ATRNL1: variants seen among roughly 807,000 people sequenced by gnomAD.
ATRNL1 encodes the protein attractin like 1.
In ATRNL1, 95 loss-of-function variants were observed where a neutral mutation model predicts 182.7. The observed-to-expected ratio is 0.52, with a 90% CI of 0.44 to 0.62. The LOEUF (loss-of-function observed/expected upper bound fraction) is 0.62, where lower values mean the gene tolerates loss of function less well. Among genes scored for constraint, ATRNL1 ranks in the 20% least tolerant of loss-of-function variants. ATRNL1 has a pLI of 0.00. For synonymous variants in ATRNL1, 576 were observed against 568.3 expected (o/e 1.01, Z -0.19); for missense variants, 1,471 against 1,679.5 (o/e 0.88, Z 2.17).
chr10:115,652,096 C>T (rs1293777734), intron 26 of ATRNL1, among the ~76,000 whole-genome samples: 1 of 151,928 alleles, frequency 6.6e-6, no homozygotes, highest in Non-Finnish European at 1.5e-5. Flanking sequence ...AAAGTAGACT[C>T]CTAAATAATT....
rs578035533 is a variant in ATRNL1, at chr10:115,553,014, G to A, written c.3795+3478G>A. On this transcript the variant is annotated intron_variant, in intron 26 of 28. Transcript: ENST00000355044. ...TTACTGAAATATTTGTCAGGAGCAA[G>A]TATATGTAAAAAGGAGTCTATTGAG... 1.1e-4 allele frequency among the ~76,000 whole-genome samples: 17 copies of A among 151,374 alleles called. No individual in the cohort carries two copies. The South Asian group carries it at 2.9e-3, about 26-fold the overall frequency.
At chr10:115,905,031 A>C (rs1258100938) in intron 28 of ATRNL1, among the ~76,000 whole-genome samples, 1 of 152,140 alleles carries the variant, frequency 6.6e-6, no homozygotes, top group Non-Finnish European at 1.5e-5. Flanking sequence ...TTACAGCTGA[A>C]GTCTGAAAGA....
intron 19 of ATRNL1, among the ~76,000 whole-genome samples, chr10:115,391,711 G>GT (rs1303313490): frequency 6.6e-6 from 1 of 151,762 alleles, no homozygotes; most frequent in Non-Finnish European, 1.5e-5. Flanking sequence ...TGCATGGATA[G>GT]TTTTTCAAAT....
rs143148323 is a variant in ATRNL1 at position 115,782,412 on chromosome 10, T to G, written c.3903+55057T>G. Among the ~76,000 whole-genome samples the G allele has an allele frequency of 1.3e-4, 20 of 152,338 alleles. No individual in the cohort carries two copies. The East Asian group carries it at 3.7e-3, about 28-fold the overall frequency. On this transcript the variant is annotated intron_variant, in intron 27 of 28. Coordinates refer to ENST00000355044, the MANE Select transcript of ATRNL1 (RefSeq NM_207303.4). ...CCCTAATGTTGATTGTTGTTTCTGTTAAATAATTATGATGAAAAGAAAAAG... is the reference window on the plus strand; with the variant it reads ...CCCTAATGTTGATTGTTGTTTCTGTGAAATAATTATGATGAAAAGAAAAAG...
At chr10:115,736,628 G>T (rs193293608) in intron 27 of ATRNL1, among the ~76,000 whole-genome samples, 41 of 152,138 alleles carry the variant, frequency 2.7e-4, no homozygotes, top group Non-Finnish European at 5.0e-4. Flanking sequence ...TTAGTTTGTG[G>T]TTTGCTAGTG....
At chr10:115,837,429 A>G (rs1009124898) in intron 27 of ATRNL1, among the ~76,000 whole-genome samples, 2 of 149,700 alleles carry the variant, frequency 1.3e-5, no homozygotes, top group African/African-American at 2.4e-5. Context: ...TTAGGAAATA[A>G]TGAGGAGACA....
At chr10:115,276,226 C>A (rs1236610927) in intron 13 of ATRNL1, among the ~76,000 whole-genome samples, 9 of 152,032 alleles carry the variant, frequency 5.9e-5, no homozygotes, top group African/African-American at 2.2e-4. Flanking sequence ...AGGACTCCAC[C>A]ATTATGATTA....
intron 8 of ATRNL1, among the ~76,000 whole-genome samples, chr10:115,198,940 G>T (rs1353556933): frequency 6.6e-6 from 1 of 152,074 alleles, no homozygotes; most frequent in African/African-American, 2.4e-5. Flanking sequence ...CTAATGGGAG[G>T]CCTCTGGATT....
At chr10:115,217,152 G>A (rs1554896456) in intron 9 of ATRNL1, among the ~76,000 whole-genome samples, 1 of 151,998 alleles carries the variant, frequency 6.6e-6, no homozygotes, top group African/African-American at 2.4e-5. Context: ...GCAGTGGCAC[G>A]ATCTCAGCTC....
At chr10:115,156,199 T>TGGAAAGACTGTAATCCCTG (rs1554882027) in intron 5 of ATRNL1, among the ~76,000 whole-genome samples, 1 of 152,100 alleles carries the variant, frequency 6.6e-6, no homozygotes, top group Non-Finnish European at 1.5e-5. Context: ...CTTTAACATG[T>TGGAAAGACTGTAATCCCTG]GGAAAGACTG....
chr10:115,642,470 T>A (rs1228480231), intron 26 of ATRNL1, among the ~76,000 whole-genome samples: 1 of 150,478 alleles, frequency 6.6e-6, no homozygotes, highest in Non-Finnish European at 1.5e-5. Context: ...TGAGATGGAG[T>A]TTTGCTCTTG....
Position 115,274,193 on chromosome 10 carries a change from C to T in ATRNL1, c.2100+5749C>T, listed in dbSNP as rs142358622. ...TCACGTACCATTGCACCTGCAGGAT[C>T]ATGTAGCCCAACTGGCAGAGCTTGT... On this transcript the variant is annotated intron_variant, in intron 13 of 28. Coordinates refer to ENST00000355044, the MANE Select transcript of ATRNL1 (RefSeq NM_207303.4). Among the ~76,000 whole-genome samples the T allele has an allele frequency of 7.2e-4, 109 of 152,314 alleles. 2 individuals are homozygous for T. Among genetic ancestry groups the T allele is most frequent in the Admixed American group, 2.2e-3 (33 of 15,296 alleles).
intron 28 of ATRNL1, among the ~76,000 whole-genome samples, chr10:115,907,184 T>G (rs1377234433): frequency 1.3e-5 from 2 of 152,238 alleles, no homozygotes; most frequent in Non-Finnish European, 2.9e-5. Context: ...TTAATGTCCA[T>G]TCTCTTGATC....
chr10:115,853,821 C>A (rs1297816949), intron 28 of ATRNL1, among the ~76,000 whole-genome samples: 2 of 152,040 alleles, frequency 1.3e-5, no homozygotes, highest in African/African-American at 4.8e-5. Context: ...AGGCAGAGAG[C>A]CCAGGAAACA....
intron 26 of ATRNL1, among the ~76,000 whole-genome samples, chr10:115,625,032 T>C (rs779829879): frequency 1.3e-5 from 2 of 152,142 alleles, no homozygotes; most frequent in Non-Finnish European, 2.9e-5. Context: ...GGGGATACTT[T>C]GTGGAAGGGA....
chr10:115,263,204 T>C (rs993657538), intron 10 of ATRNL1, among the ~76,000 whole-genome samples: 35 of 151,940 alleles, frequency 2.3e-4, no homozygotes, highest in African/African-American at 7.7e-4. Flanking sequence ...AGCTGTTGAA[T>C]TGACATTTCT....
intron 26 of ATRNL1, among the ~76,000 whole-genome samples, chr10:115,695,490 A>G (rs1187639209): frequency 5.3e-5 from 8 of 152,154 alleles, no homozygotes; most frequent in African/African-American, 1.9e-4. Context: ...CAAGCTTTCA[A>G]TACTTTAAAC....
chr10:115,727,182 A>C, intron 26 of ATRNL1, 66 bp from the exon 27 acceptor site: 1 of 1,096,100 alleles, frequency 9.1e-7, no homozygotes, highest in Non-Finnish European at 1.4e-6. Flanking sequence ...AGAGGGAACC[A>C]GATATTGTTG....
Position 115,947,889 on chromosome 10 carries a change from C to A in ATRNL1, c.*3110C>A, listed in dbSNP as rs1052815217. 2.0e-5 allele frequency: 3 copies of A among 152,304 alleles called. No individual in the cohort carries two copies. Among genetic ancestry groups the A allele is most frequent in the Non-Finnish European group, 4.4e-5 (3 of 68,034 alleles). The allele number at this position is 152,304 out of a possible 1,614,324, so 9.4% of individuals were successfully genotyped here. ...TGTAAAGGGCGGTAATGGTGCCCAC[C>A]TTTCGAGGCATTGCGAGGCTAGATG... On this transcript the variant is annotated 3_prime_UTR_variant, in exon 29 of 29. Coordinates refer to ENST00000355044, the MANE Select transcript of ATRNL1 (RefSeq NM_207303.4).
Sources: gnomAD v4.1 joint callset for allele counts (sites outside exome capture counted in the v4.1 genomes callset) on GRCh38, gnomAD v4.1.1 for gene constraint, MANE v1.5 for transcripts, NCBI Gene and HGNC (gene_info 2026-07-23, HGNC 2026-07-21) for gene names.